Variants in ABTB2 observed in about 807,000 individuals in gnomAD.
ABTB2 encodes the protein ankyrin repeat and BTB domain containing 2, also known as ankyrin repeat and BTB/POZ domain-containing protein 2.
A neutral mutation model predicts 104.1 loss-of-function variants in ABTB2; 56 were observed. That is an observed-to-expected ratio of 0.54 (90% CI 0.43 to 0.67). ABTB2 has a LOEUF of 0.67. Ranked by LOEUF, ABTB2 falls within the 30% of genes least tolerant of loss-of-function variation. The pLI is 0.00. For synonymous variants in ABTB2, 606 were observed against 608.2 expected (o/e 1.00, Z 0.05); for missense variants, 1,279 against 1,407.7 (o/e 0.91, Z 1.46).
intron 1 of ABTB2, among the ~76,000 whole-genome samples, chr11:34,241,667 G>A (rs1334274501): frequency 6.6e-6 from 1 of 152,208 alleles, no homozygotes; most frequent in African/African-American, 2.4e-5. Flanking sequence ...CAAGGCAGGA[G>A]GATCGCTTGA....
At chr11:34,230,650 C>T (rs1853756649) in intron 1 of ABTB2, among the ~76,000 whole-genome samples, 1 of 152,144 alleles carries the variant, frequency 6.6e-6, no homozygotes, top group African/African-American at 2.4e-5. Flanking sequence ...AATACCCTCC[C>T]ACCAGACAGA....
chr11:34,152,518 G>A lies in ABTB2; in HGVS notation c.2947C>T (p.Leu983=). The A allele has an allele frequency of 6.2e-7, 1 of 1,611,762 alleles. No homozygotes were observed. The highest frequency in any genetic ancestry group is 8.5e-7 in the Non-Finnish European group (1 of 1,179,458). ...AGCTGCCGGAAGGCATCCTGCTCCA[G>A]TAGGGCCTTCATGTGCTTGAGGAAG... The part of the protein sequence containing the change: ...GFFLKHMKAL[L]EQDAFRQLIY... Residue 983 remains leucine (L), a synonymous_variant, in exon 17 of 17, where the codon CTG becomes TTG. Transcript: ENST00000435224.
chr11:34,283,644 G>C (rs562710853), intron 1 of ABTB2, among the ~76,000 whole-genome samples: 4 of 152,346 alleles, frequency 2.6e-5, no homozygotes, highest in Admixed American at 1.3e-4. Context: ...GCAAATTAGA[G>C]CATGGGTCAG....
chr11:34,303,795 T>G (rs1461139873), intron 1 of ABTB2, among the ~76,000 whole-genome samples: 2 of 151,958 alleles, frequency 1.3e-5, no homozygotes, highest in African/African-American at 4.8e-5. Context: ...GATGTGTGCC[T>G]CCTCGCCCAG....
At chr11:34,207,655 C>G (rs1378469291) in intron 1 of ABTB2, among the ~76,000 whole-genome samples, 1 of 152,204 alleles carries the variant, frequency 6.6e-6, no homozygotes, top group Admixed American at 6.5e-5. Flanking sequence ...GGTACTATTC[C>G]CACCCATCTT....
chr11:34,189,771 G>A (rs2133030939), intron 3 of ABTB2, among the ~76,000 whole-genome samples: 1 of 152,244 alleles, frequency 6.6e-6, no homozygotes, highest in South Asian at 2.1e-4. Flanking sequence ...AAAAATCCCA[G>A]GTCTGCTCCG....
At chr11:34,309,368 A>G (rs912581793) in intron 1 of ABTB2, among the ~76,000 whole-genome samples, 1 of 152,244 alleles carries the variant, frequency 6.6e-6, no homozygotes, top group Non-Finnish European at 1.5e-5. Flanking sequence ...ATCACTAACA[A>G]TCCCTTATGC....
rs529674141 is a variant in ABTB2 at position 34,314,885 on chromosome 11, C to T, written c.883+41816G>A. The stretch of plus-strand genomic sequence containing the variant: ...ACAGGCTGAGAGTCCATGAGGCTAA[C>T]CCTGTTCTGAGAGGCTGAGGGTGAT... On this transcript the variant is annotated intron_variant, in intron 1 of 16. Coordinates refer to ENST00000435224, the MANE Select transcript of ABTB2 (RefSeq NM_145804.3). Among the ~76,000 whole-genome samples the T allele has an allele frequency of 4.0e-5, 6 of 151,726 alleles. No individual in the cohort carries two copies. In the East Asian group the frequency reaches 1.2e-3, roughly 29 times the overall value.
chr11:34,198,531 C>T (rs1173915376), intron 2 of ABTB2, among the ~76,000 whole-genome samples: 2 of 151,982 alleles, frequency 1.3e-5, no homozygotes, highest in South Asian at 4.1e-4. Context: ...GCCACAGGGA[C>T]ACCTCAGAGC....
chr11:34,333,164 C>T (rs981860521), intron 1 of ABTB2, among the ~76,000 whole-genome samples: 6 of 152,154 alleles, frequency 3.9e-5, no homozygotes, highest in Non-Finnish European at 2.9e-5. Flanking sequence ...AATTTACCTA[C>T]CCCCAGAAGT....
intron 1 of ABTB2, among the ~76,000 whole-genome samples, chr11:34,304,632 C>A (rs1483441265): frequency 6.7e-6 from 1 of 149,878 alleles, no homozygotes; most frequent in Non-Finnish European, 1.5e-5. Flanking sequence ...CCAGCCTGGG[C>A]AATATGGGGA....
chr11:34,317,958 T>TC (rs535866089), intron 1 of ABTB2, among the ~76,000 whole-genome samples: 66 of 138,236 alleles, frequency 4.8e-4, no homozygotes, highest in African/African-American at 1.8e-3. Flanking sequence ...CCTCCCCACG[T>TC]CCCCCTCCCC....
At chr11:34,233,428 G>A (rs1044591492) in intron 1 of ABTB2, among the ~76,000 whole-genome samples, 67 of 151,354 alleles carry the variant, frequency 4.4e-4, no homozygotes, top group African/African-American at 1.6e-3. Context: ...CCAGGTCACT[G>A]CAGCGTTAAA....
intron 1 of ABTB2, among the ~76,000 whole-genome samples, chr11:34,342,933 ATTTATTTATTTATTTAT>A (rs1855280274): frequency 2.0e-5 from 1 of 49,846 alleles, no homozygotes; most frequent in Non-Finnish European, 3.5e-5. Context: ...TTATTTATTT[ATTTATTTATTTATTTAT>A]TTATTTATTT....
At chr11:34,160,413 C>G in intron 11 of ABTB2, 60 bp from the exon 12 acceptor site, 2 of 1,200,094 alleles carry the variant, frequency 1.7e-6, no homozygotes, top group Non-Finnish European at 2.5e-6. Flanking sequence ...TTCACAGATG[C>G]AGATACGTCA....
rs757656341 is a variant in ABTB2 at position 34,152,415 on chromosome 11, T to C, written c.3050A>G (p.His1017Arg). 7.0e-6 allele frequency: 11 copies of C among 1,581,186 alleles called. No homozygotes were observed. Among genetic ancestry groups the C allele is most frequent in the Non-Finnish European group, 5.2e-6 (6 of 1,164,888 alleles). ...CACCCGGGAGGTGATGTAGACAGAG[T>C]GCACGCGCTCTGCCAGGGTGTTCTG... ...DLQNTLAERVHSVYITSRV is the reference protein window; with the variant it reads ...DLQNTLAERVRSVYITSRV Residue 1017 changes from histidine (H) to arginine (R), a missense_variant, in exon 17 of 17, where the codon CAC (histidine) becomes CGC (arginine). By Grantham distance (29) the His-to-Arg change is conservative (BLOSUM62 0). Coordinates refer to ENST00000435224, the MANE Select transcript of ABTB2 (RefSeq NM_145804.3).
chr11:34,273,317 T>C (rs1368522185), intron 1 of ABTB2, among the ~76,000 whole-genome samples: 1 of 152,132 alleles, frequency 6.6e-6, no homozygotes, highest in Non-Finnish European at 1.5e-5. Context: ...AAACCCATGT[T>C]ACAATTTTGA....
chr11:34,185,983 C>G (rs1377137598), intron 3 of ABTB2, among the ~76,000 whole-genome samples: 1 of 152,174 alleles, frequency 6.6e-6, no homozygotes, highest in African/African-American at 2.4e-5. Flanking sequence ...AACAACAAAA[C>G]CCCCCAAACC....
chr11:34,195,075 C>CGGGGGGGGG (rs1461939590), intron 3 of ABTB2, among the ~76,000 whole-genome samples: 13 of 18,048 alleles, frequency 7.2e-4, no homozygotes, highest in Admixed American at 1.3e-3. Context: ...AGATGCCCGG[C>CGGGGGGGGG]GGGGGGGGGG....
Sources: allele counts gnomAD v4.1 joint callset (sites outside exome capture counted in the v4.1 genomes callset), GRCh38; gene constraint gnomAD v4.1.1; transcripts MANE v1.5; gene names NCBI Gene and HGNC (gene_info 2026-07-23, HGNC 2026-07-21).